BCL2: variants seen among roughly 807,000 people sequenced by gnomAD.
BCL2 encodes apoptosis regulator Bcl-2.
BCL2 carries 1 observed loss-of-function variant against 14.2 expected under a neutral mutation model. That is an observed-to-expected ratio of 0.07 (90% confidence interval 0.02 to 0.33). The LOEUF is 0.33. BCL2 is among the 10% of genes least tolerant of loss of function. The pLI is 0.99. For missense variants in BCL2, 247 were observed against 305.9 expected, an observed-to-expected ratio of 0.81 and a Z score of 1.44; for synonymous variants, 151 against 137.2, an observed-to-expected ratio of 1.10 and a Z score of -0.70.
intron 2 of BCL2, among the ~76,000 whole-genome samples, chr18:63,222,368 C>T (rs1307930213): frequency 6.6e-6 from 1 of 150,520 alleles, no homozygotes; most frequent in Non-Finnish European, 1.5e-5. Flanking sequence ...CCAGTATCAC[C>T]CCCCAACACA....
chr18:63,167,741 C>A (rs1915079198), intron 2 of BCL2, among the ~76,000 whole-genome samples: 1 of 152,096 alleles, frequency 6.6e-6, no homozygotes, highest in South Asian at 2.1e-4. Flanking sequence ...TCCTGGCCAA[C>A]ATGGTGAAAC....
At chr18:63,303,704 TCTC>T (rs1913034612) in intron 2 of BCL2, among the ~76,000 whole-genome samples, 1 of 152,094 alleles carries the variant, frequency 6.6e-6, no homozygotes, top group Non-Finnish European at 1.5e-5. Flanking sequence ...GGTTAAATAA[TCTC>T]CTATCCCTAA....
chr18:63,316,392 T>C (rs990016932), intron 2 of BCL2: 3 of 152,200 alleles, frequency 2.0e-5, no homozygotes, highest in African/African-American at 7.2e-5. Context: ...TTTACTTTGG[T>C]TTAAAAGGAT....
At chr18:63,189,199 AAAAAAAG>A (rs1209095414) in intron 2 of BCL2, among the ~76,000 whole-genome samples, 7 of 151,686 alleles carry the variant, frequency 4.6e-5, no homozygotes, top group Non-Finnish European at 1.0e-4. Flanking sequence ...TAAAAAAAAA[AAAAAAAG>A]AAAAAGAAAA....
At chr18:63,277,369 A>G (rs540468167) in intron 2 of BCL2, among the ~76,000 whole-genome samples, 24 of 152,196 alleles carry the variant, frequency 1.6e-4, no homozygotes, top group African/African-American at 5.8e-4. Flanking sequence ...GTGGCGGCTC[A>G]TGTCTGTAAT....
At chr18:63,290,014 G>A (rs1420888274) in intron 2 of BCL2, among the ~76,000 whole-genome samples, 2 of 152,170 alleles carry the variant, frequency 1.3e-5, no homozygotes, top group Admixed American at 1.3e-4. Flanking sequence ...AGAAGGTGGT[G>A]GCAGCAAGAC....
chr18:63,184,213 G>A (rs1915540441), intron 2 of BCL2, among the ~76,000 whole-genome samples: 1 of 152,206 alleles, frequency 6.6e-6, no homozygotes, highest in African/African-American at 2.4e-5. Flanking sequence ...GGGAATGCAC[G>A]TGTGGGCTCA....
At chr18:63,310,415 G>A (rs1033526182) in intron 2 of BCL2, among the ~76,000 whole-genome samples, 1 of 152,034 alleles carries the variant, frequency 6.6e-6, no homozygotes, top group African/African-American at 2.4e-5. Context: ...TCCCCGTATC[G>A]CCTGCCTGTT....
intron 2 of BCL2, among the ~76,000 whole-genome samples, chr18:63,305,248 G>A (rs145033676): frequency 0.01 from 1,540 of 152,338 alleles, 16 homozygotes; most frequent in Non-Finnish European, 0.017. Flanking sequence ...AAGCAGTAGA[G>A]TATACTAGTT....
intron 2 of BCL2, among the ~76,000 whole-genome samples, chr18:63,283,405 C>T (rs903699969): frequency 1.3e-5 from 2 of 152,126 alleles, no homozygotes; most frequent in Non-Finnish European, 2.9e-5. Flanking sequence ...AAATACTTAA[C>T]CTTCTCCAGC....
chr18:63,145,170 A>C (rs1393234562), intron 2 of BCL2, among the ~76,000 whole-genome samples: 11 of 152,354 alleles, frequency 7.2e-5, no homozygotes, highest in Non-Finnish European at 2.9e-5. Context: ...CCTAATTTAG[A>C]ATATTAAAAT....
intron 2 of BCL2, chr18:63,317,587 G>A (rs1913536781): frequency 1.0e-6 from 1 of 991,872 alleles, no homozygotes; most frequent in Non-Finnish European, 1.2e-6. Context: ...GTCTTCTGTG[G>A]AGTCTATTCT....
At chr18:63,246,013 A>G (rs1394493459) in intron 2 of BCL2, among the ~76,000 whole-genome samples, 1 of 152,182 alleles carries the variant, frequency 6.6e-6, no homozygotes, top group Non-Finnish European at 1.5e-5. Context: ...TCCTTTGTCA[A>G]TATGAGAGCT....
chr18:63,271,207 A>G (rs1368322362), intron 2 of BCL2, among the ~76,000 whole-genome samples: 1 of 152,190 alleles, frequency 6.6e-6, no homozygotes, highest in Non-Finnish European at 1.5e-5. Context: ...TAAAGACATG[A>G]AGAATAAAAA....
intron 2 of BCL2, among the ~76,000 whole-genome samples, chr18:63,237,492 G>C (rs1348155320): frequency 1.3e-5 from 2 of 152,144 alleles, no homozygotes; most frequent in African/African-American, 4.8e-5. Flanking sequence ...GCCTTAACGG[G>C]CCTGACCCTC....
At chr18:63,207,922 A>G (rs967947666) in intron 2 of BCL2, 8 of 152,206 alleles carry the variant, frequency 5.3e-5, no homozygotes, top group African/African-American at 1.4e-4. Context: ...TCTAAAAAAA[A>G]TACTATTTAA....
intron 2 of BCL2, among the ~76,000 whole-genome samples, chr18:63,248,029 A>C (rs1911202965): frequency 6.6e-6 from 1 of 152,234 alleles, no homozygotes; most frequent in South Asian, 2.1e-4. Flanking sequence ...AAGCAGCCCA[A>C]AAGTTAGCCT....
At chr18:63,166,887 T>A (rs1915059842) in intron 2 of BCL2, among the ~76,000 whole-genome samples, 1 of 152,214 alleles carries the variant, frequency 6.6e-6, no homozygotes, top group African/African-American at 2.4e-5. Flanking sequence ...CTTTTGTCTT[T>A]CCTTCCATGG....
chr18:63,159,911 G>A (rs1265773469), intron 2 of BCL2, among the ~76,000 whole-genome samples: 1 of 152,194 alleles, frequency 6.6e-6, no homozygotes, highest in African/African-American at 2.4e-5. Context: ...CGTTTTCAGC[G>A]GGGTCATTTA....
Sources: gnomAD v4.1 joint callset for allele counts (sites outside exome capture counted in the v4.1 genomes callset) on GRCh38, gnomAD v4.1.1 for gene constraint, MANE v1.5 for transcripts, NCBI Gene and HGNC (gene_info 2026-07-23, HGNC 2026-07-21) for gene names.